The following COL8A1 variants were observed in gnomAD, a reference collection of about 807,000 sequenced individuals.
COL8A1 encodes the protein collagen alpha-1(VIII) chain.
In COL8A1, 21 loss-of-function variants were observed where a neutral mutation model predicts 42.7. That is an observed-to-expected ratio of 0.49 (90% CI 0.35 to 0.71). COL8A1 has a LOEUF of 0.71. Among genes scored for constraint, COL8A1 ranks in the 30% least tolerant of loss-of-function variants. The pLI is 0.01. For synonymous variants in COL8A1, 367 were observed against 369.1 expected (o/e 0.99, Z 0.06); for missense variants, 788 against 962.4 (o/e 0.82, Z 2.40).
chr3:99,794,852 GC>G lies in COL8A1; in HGVS notation c.953del (p.Pro318GlnfsTer63), dbSNP rs1942073953. 1.2e-6 allele frequency: 2 copies of G among 1,612,322 alleles called. No individual in the cohort carries two copies. Among genetic ancestry groups the G allele is most frequent in the Non-Finnish European group, 1.7e-6 (2 of 1,179,230 alleles). ...GPPGIPGIGK[P>X]GQDGIPGQPG... The stretch of plus-strand genomic sequence containing the variant: ...CTCCTGGGATACCCGGAATTGGAAA[GC>G]CAGGCCAGGATGGGATCCCAGGCCA... On this transcript the variant is annotated frameshift_variant, in exon 4 of 4. Coordinates refer to ENST00000652472, the MANE Select transcript of COL8A1 (RefSeq NM_020351.4). LOFTEE classifies it high-confidence loss of function. The surrounding 1 kb of genome is among the most constrained non-coding windows in gnomAD (Gnocchi z 4.3).
intron 2 of COL8A1, among the ~76,000 whole-genome samples, chr3:99,789,992 A>C (rs1013227529): frequency 3.3e-4 from 50 of 152,298 alleles, no homozygotes; most frequent in African/African-American, 1.2e-3. Context: ...TGCTCTTTAC[A>C]TTTACATTTA....
chr3:99,729,722 G>T (rs1440923876), intron 1 of COL8A1, among the ~76,000 whole-genome samples: 1 of 152,006 alleles, frequency 6.6e-6, no homozygotes, highest in Non-Finnish European at 1.5e-5. Context: ...GGCTTAAAGA[G>T]TTCCTTCAGA....
chr3:99,652,039 G>A (rs1937864087), intron 1 of COL8A1, among the ~76,000 whole-genome samples: 1 of 152,162 alleles, frequency 6.6e-6, no homozygotes, highest in Non-Finnish European at 1.5e-5. Context: ...GGTAAAGATA[G>A]CAATAACATT....
At position 99,797,483 on chromosome 3, in the gene COL8A1, G is replaced by C. The variant is rs1197291239; in HGVS notation, c.*1347G>C. 2.0e-5 allele frequency: 3 copies of C among 152,110 alleles called. No homozygotes were observed. The highest frequency in any genetic ancestry group is 1.3e-4 in the Admixed American group (2 of 15,268). The allele number at this position is 152,110 out of a possible 1,614,324, so 9.4% of individuals were successfully genotyped here. ...GATGGGTTTTCGCCATGTTGGCCAGGCTGGTCTCAAACTCCTGGCCTCAAG... is the reference window on the plus strand; with the variant it reads ...GATGGGTTTTCGCCATGTTGGCCAGCCTGGTCTCAAACTCCTGGCCTCAAG... On this transcript the variant is annotated 3_prime_UTR_variant, in exon 4 of 4. Transcript: ENST00000652472.
At chr3:99,755,006 C>T (rs114958684) in intron 2 of COL8A1, among the ~76,000 whole-genome samples, 3 of 152,152 alleles carry the variant, frequency 2.0e-5, no homozygotes, top group African/African-American at 4.8e-5. Context: ...GTAGGGTAAA[C>T]TATCAGTACC....
intron 1 of COL8A1, among the ~76,000 whole-genome samples, chr3:99,648,355 C>T (rs1476146007): frequency 3.3e-5 from 5 of 152,096 alleles, no homozygotes; most frequent in South Asian, 4.1e-4. Flanking sequence ...TATGACAACG[C>T]CTCTGACTCA....
At chr3:99,743,323 T>A (rs1186188774) in intron 1 of COL8A1, among the ~76,000 whole-genome samples, 1 of 152,222 alleles carries the variant, frequency 6.6e-6, no homozygotes, top group African/African-American at 2.4e-5. Context: ...TCAAATCACC[T>A]ATGGCTAAAC....
intron 1 of COL8A1, among the ~76,000 whole-genome samples, chr3:99,694,139 G>A (rs149055954): frequency 2.0e-4 from 30 of 152,174 alleles, no homozygotes; most frequent in Middle Eastern, 6.8e-3. Context: ...GCCTAATGAC[G>A]CATTTCTCAA....
At chr3:99,670,540 G>T (rs530266208) in intron 1 of COL8A1, among the ~76,000 whole-genome samples, 16 of 151,852 alleles carry the variant, frequency 1.1e-4, no homozygotes, top group Non-Finnish European at 1.9e-4. Context: ...GTGATTTTTT[G>T]ATATATGTAT....
chr3:99,670,511 A>G (rs1938510567), intron 1 of COL8A1, among the ~76,000 whole-genome samples: 1 of 152,100 alleles, frequency 6.6e-6, no homozygotes, highest in East Asian at 1.9e-4. Flanking sequence ...CATAATTATA[A>G]ACATTTATGT....
At chr3:99,653,678 G>A (rs1484584404) in intron 1 of COL8A1, among the ~76,000 whole-genome samples, 6 of 150,962 alleles carry the variant, frequency 4.0e-5, no homozygotes, top group African/African-American at 4.9e-5. Context: ...CATCCCGTGA[G>A]TTTCTGGAGT....
At chr3:99,713,690 C>T (rs1171429463) in intron 1 of COL8A1, among the ~76,000 whole-genome samples, 1 of 152,042 alleles carries the variant, frequency 6.6e-6, no homozygotes, top group African/African-American at 2.4e-5. Flanking sequence ...TTTAATCCTT[C>T]TCTCAAGGAG....
At chr3:99,732,760 T>C (rs1187718080) in intron 1 of COL8A1, among the ~76,000 whole-genome samples, 1 of 152,104 alleles carries the variant, frequency 6.6e-6, no homozygotes, top group African/African-American at 2.4e-5. Flanking sequence ...TCTTAACTCA[T>C]TCCAGCAGTA....
At position 99,794,697 on chromosome 3, in the gene COL8A1, G is replaced by T. The variant is rs1942068571; in HGVS notation, c.796G>T (p.Val266Phe). 9 of 1,613,076 alleles carry T rather than the reference G, an allele frequency of 5.6e-6. No individual in the cohort carries two copies. The highest frequency in any genetic ancestry group is 7.6e-6 in the Non-Finnish European group (9 of 1,179,610). ...AGGGATGCACGGCCCTCCCGGCCCTGTTGGACTGCCAGGAGTGGGCAAACC... is the reference window on the plus strand; with the variant it reads ...AGGGATGCACGGCCCTCCCGGCCCTTTTGGACTGCCAGGAGTGGGCAAACC... ...PPGMHGPPGP[V>F]GLPGVGKPGV... is the part of the protein sequence containing the mutation. Residue 266 changes from valine (V) to phenylalanine (F), a missense_variant, in exon 4 of 4, where the codon GTT becomes TTT. Val to Phe is a conservative substitution (Grantham distance 50). This residue lies in a region of COL8A1 where 421 missense variants were observed against 553.1 expected (regional missense o/e 0.76). Transcript: ENST00000652472. The surrounding 1 kb of genome is among the most constrained non-coding windows in gnomAD (Gnocchi z 4.3).
chr3:99,785,029 A>T (rs989803038), intron 2 of COL8A1, among the ~76,000 whole-genome samples: 5 of 152,168 alleles, frequency 3.3e-5, no homozygotes, highest in Non-Finnish European at 5.9e-5. Flanking sequence ...AAGTTTTGGG[A>T]TTCATTTTCT....
chr3:99,792,502 T>TC (rs1942020444), intron 3 of COL8A1, among the ~76,000 whole-genome samples: 1 of 152,240 alleles, frequency 6.6e-6, no homozygotes, highest in Admixed American at 6.5e-5. Flanking sequence ...CACAGCATGT[T>TC]CATTATAACA....
chr3:99,682,252 T>TA (rs1395045621), intron 1 of COL8A1, among the ~76,000 whole-genome samples: 2 of 151,876 alleles, frequency 1.3e-5, no homozygotes, highest in Non-Finnish European at 2.9e-5. Context: ...TTGTCTCTAC[T>TA]AAAAAACAAA....
intron 1 of COL8A1, among the ~76,000 whole-genome samples, chr3:99,653,663 T>C (rs2107292523): frequency 6.6e-6 from 1 of 151,480 alleles, no homozygotes; most frequent in South Asian, 2.1e-4. Context: ...TCTAAGATCT[T>C]ACCTCATCCC....
intron 2 of COL8A1, among the ~76,000 whole-genome samples, chr3:99,747,337 A>T (rs1413752755): frequency 1.3e-5 from 2 of 152,362 alleles, no homozygotes; most frequent in East Asian, 3.9e-4. Context: ...CCTTACACAT[A>T]GTATGTACTA....
Sources: allele counts gnomAD v4.1 joint callset (sites outside exome capture counted in the v4.1 genomes callset), GRCh38; gene constraint gnomAD v4.1.1; regional missense constraint gnomAD v4.1.1; non-coding constraint Gnocchi (gnomAD v3.1); transcripts MANE v1.5; gene names NCBI Gene and HGNC (gene_info 2026-07-23, HGNC 2026-07-21).